ZNF618: variants seen among roughly 807,000 people sequenced by gnomAD.
ZNF618 encodes zinc finger protein 618.
ZNF618 carries 34 observed loss-of-function variants against 103.0 expected under a neutral mutation model. The observed-to-expected ratio is 0.33, with a 90% CI of 0.25 to 0.44. ZNF618 has a LOEUF of 0.44. ZNF618 is among the 20% of genes least tolerant of loss of function. The pLI is 1.00. For synonymous variants in ZNF618, 551 were observed against 542.2 expected, an observed-to-expected ratio of 1.02 and a Z score of -0.23; for missense variants, 1,059 against 1,295.4, an observed-to-expected ratio of 0.82 and a Z score of 2.80.
chr9:113,895,821 T>G lies in ZNF618; in HGVS notation c.33+19408T>G, dbSNP rs1211450274. Among the ~76,000 whole-genome samples the G allele has an allele frequency of 3.3e-5, 5 of 152,172 alleles. No individual in the cohort carries two copies. The East Asian group carries it at 9.6e-4, about 29-fold the overall frequency. ...TTTCAGAGTTTAAAATAACTTGCCA[T>G]TAAACTCTGTCTTGTCAGGTTTTTG... On this transcript the variant is annotated intron_variant, in intron 1 of 14. Transcript: ENST00000374126.
intron 1 of ZNF618, among the ~76,000 whole-genome samples, chr9:113,941,562 G>A (rs977289162): frequency 3.9e-5 from 6 of 152,122 alleles, no homozygotes; most frequent in Admixed American, 1.3e-4. Context: ...TGATGAGTTG[G>A]TTTGCATTTG....
chr9:114,053,960 G>A lies in ZNF618; in HGVS notation c.*3793G>A, dbSNP rs555235479. 1 of 152,522 alleles carries A rather than the reference G, an allele frequency of 6.6e-6. No homozygotes were observed. Among genetic ancestry groups the A allele is most frequent in the South Asian group, 2.1e-4 (1 of 4,824 alleles). 9.4% of individuals were successfully genotyped at this position (152,522 alleles called of 1,614,324 possible). A position where few individuals can be genotyped will look rare whatever the true frequency, so the allele number is the denominator to read the frequency against. On this transcript the variant is annotated 3_prime_UTR_variant, in exon 15 of 15. Coordinates refer to ENST00000374126, the MANE Select transcript of ZNF618 (RefSeq NM_001318042.2). The stretch of plus-strand genomic sequence containing the variant: ...TTTTGGCTGGAAAAAGGGTACCAGG[G>A]TTTCCTGGCAAGGACAGGAGAGCAG...
chr9:114,024,397 G>C (rs887817173), intron 10 of ZNF618, among the ~76,000 whole-genome samples: 10 of 152,160 alleles, frequency 6.6e-5, no homozygotes, highest in African/African-American at 2.4e-4. Context: ...GTGTTGCCTG[G>C]AAAATAATTG....
chr9:114,027,398 C>T (rs1005477279), intron 10 of ZNF618, among the ~76,000 whole-genome samples: 16 of 152,218 alleles, frequency 1.1e-4, no homozygotes, highest in Non-Finnish European at 2.2e-4. Context: ...AAAGAACTCC[C>T]TGCTCCCAGC....
intron 1 of ZNF618, among the ~76,000 whole-genome samples, chr9:113,928,053 C>T (rs951496680): frequency 1.3e-5 from 2 of 152,166 alleles, no homozygotes; most frequent in Non-Finnish European, 2.9e-5. Context: ...GAGTGACAGC[C>T]TCCAAGCTCT....
intron 1 of ZNF618, among the ~76,000 whole-genome samples, chr9:113,926,415 G>A (rs1833104283): frequency 6.6e-6 from 1 of 151,798 alleles, no homozygotes; most frequent in African/African-American, 2.4e-5. Flanking sequence ...TTTTGTGTCT[G>A]TCATTAATTT....
chr9:114,004,861 C>T (rs1841593834), intron 6 of ZNF618, among the ~76,000 whole-genome samples: 1 of 152,206 alleles, frequency 6.6e-6, no homozygotes, highest in Non-Finnish European at 1.5e-5. Context: ...AATGAGGTCT[C>T]ACACATTCTA....
At chr9:114,044,423 A>C (rs552242669) in intron 13 of ZNF618, among the ~76,000 whole-genome samples, 1 of 152,316 alleles carries the variant, frequency 6.6e-6, no homozygotes, top group African/African-American at 2.4e-5. Context: ...TGCCAGTACT[A>C]TGCTATTTTG....
chr9:114,002,614 CTCTT>C lies in ZNF618; in HGVS notation c.512-8_512-5del. On this transcript the variant is annotated splice_polypyrimidine_tract_variant and splice_region_variant and intron_variant, in intron 5 of 14. Transcript: ENST00000374126. ...GCCCCACCCCCATCCCTCTCTCTCT[CTCTT>C]TGCAGACACCGAAGCCACCTCAGGG... 6.2e-7 allele frequency: 1 copy of C among 1,610,110 alleles called. No homozygotes were observed. Among genetic ancestry groups the C allele is most frequent in the Non-Finnish European group, 8.5e-7 (1 of 1,179,630 alleles).
At chr9:114,010,407 C>T (rs1247420645) in intron 9 of ZNF618, among the ~76,000 whole-genome samples, 2 of 151,856 alleles carry the variant, frequency 1.3e-5, no homozygotes, top group African/African-American at 4.8e-5. Context: ...GGCATATTTG[C>T]AGCATTCAAA....
At position 114,049,876 on chromosome 9, in the gene ZNF618, C is replaced by G. The variant is rs367594935; in HGVS notation, c.2574C>G (p.Val858=). The change falls in exon 15 of 15, where the codon GTC becomes GTG. Residue 858 remains valine (V), a synonymous_variant. Transcript: ENST00000374126. ...PAAKKPRSAA[V]ENPAAQEDDR... is the part of the protein sequence containing the mutation. ...CCAAGAAGCCCCGCTCTGCTGCCGT[C>G]GAGAACCCCGCAGCTCAGGAAGATG... 6.2e-7 allele frequency: 1 copy of G among 1,613,788 alleles called. No individual in the cohort carries two copies. The highest frequency in any genetic ancestry group is 1.1e-5 in the South Asian group (1 of 91,090).
chr9:113,918,602 T>G (rs1211408219), intron 1 of ZNF618, among the ~76,000 whole-genome samples: 1 of 152,216 alleles, frequency 6.6e-6, no homozygotes, highest in Non-Finnish European at 1.5e-5. Context: ...TTTAGATCAA[T>G]TTAGACTGCT....
intron 10 of ZNF618, among the ~76,000 whole-genome samples, chr9:114,018,948 T>C (rs1842853667): frequency 6.6e-6 from 1 of 152,186 alleles, no homozygotes; most frequent in African/African-American, 2.4e-5. Context: ...GAGATTTGTG[T>C]GCCAATGGAC....
chr9:114,050,286 GC>G lies in ZNF618; in HGVS notation c.*124del. The G allele has an allele frequency of 7.8e-7, 1 of 1,276,730 alleles. No individual in the cohort carries two copies. The highest frequency in any genetic ancestry group is 1.5e-5 in the South Asian group (1 of 65,146). The allele number at this position is 1,276,730 out of a possible 1,614,324, so 79.1% of individuals were successfully genotyped here. A position where few individuals can be genotyped will look rare whatever the true frequency, so the allele number is the denominator to read the frequency against. ...AAACACTGTGGACCTCATTATAAATGCCCCCTGGAAACTTAAGTGCTTTTTT... is the reference window on the plus strand; with the variant it reads ...AAACACTGTGGACCTCATTATAAATGCCCCTGGAAACTTAAGTGCTTTTTT... On this transcript the variant is annotated 3_prime_UTR_variant, in exon 15 of 15. Transcript: ENST00000374126.
In ZNF618 at chr9:113,982,117, A is replaced by G. The variant is rs1384632806; in HGVS notation, c.78-6204A>G. 2.6e-5 allele frequency among the ~76,000 whole-genome samples: 4 copies of G among 152,176 alleles called. No individual in the cohort carries two copies. The East Asian group carries it at 7.7e-4, about 29-fold the overall frequency. ...TTGAGCAGGAACAAAGCAGAAGAAA[A>G]CCAAAGGTAGTGGAAGATAGTAATT... is the stretch of plus-strand genomic sequence containing the variant. On this transcript the variant is annotated intron_variant, in intron 2 of 14. Coordinates refer to ENST00000374126, the MANE Select transcript of ZNF618 (RefSeq NM_001318042.2).
intron 1 of ZNF618, among the ~76,000 whole-genome samples, chr9:113,955,675 TA>T (rs921369749): frequency 3.3e-5 from 5 of 149,880 alleles, no homozygotes; most frequent in Non-Finnish European, 4.5e-5. Flanking sequence ...TTTCTCTCTT[TA>T]AAAAAAAAAG....
intron 1 of ZNF618, among the ~76,000 whole-genome samples, chr9:113,945,378 G>A (rs898819580): frequency 6.6e-6 from 1 of 152,154 alleles, no homozygotes; most frequent in African/African-American, 2.4e-5. Flanking sequence ...TTCCTTCTCC[G>A]CATGTACACA....
chr9:113,969,045 G>A (rs1265628407), intron 1 of ZNF618, 72 bp from the exon 2 acceptor site: 2 of 1,561,046 alleles, frequency 1.3e-6, no homozygotes, highest in Non-Finnish European at 1.8e-6. Flanking sequence ...GTGGGAGCTT[G>A]ATGGGGTGGC....
rs1178552420 is a variant in ZNF618 at position 114,050,389 on chromosome 9, G to T, written c.*222G>T. ...CTGAACACGTGCTGTGGTTGTGGGG[G>T]TGTGGGGGGGTCTCTGTGCTCATCT... On this transcript the variant is annotated 3_prime_UTR_variant, in exon 15 of 15. Coordinates refer to ENST00000374126, the MANE Select transcript of ZNF618 (RefSeq NM_001318042.2). 3.8e-6 allele frequency: 2 copies of T among 525,398 alleles called. No homozygotes were observed. Among genetic ancestry groups the T allele is most frequent in the South Asian group, 2.8e-5 (1 of 35,258 alleles). 32.5% of individuals were successfully genotyped at this position (525,398 alleles called of 1,614,324 possible).
Sources: allele counts gnomAD v4.1 joint callset (sites outside exome capture counted in the v4.1 genomes callset), GRCh38; gene constraint gnomAD v4.1.1; transcripts MANE v1.5; gene names NCBI Gene and HGNC (gene_info 2026-07-23, HGNC 2026-07-21).